The following SHANK2 variants were observed in gnomAD, a reference collection of about 807,000 sequenced individuals.
The protein encoded by SHANK2 is SH3 and multiple ankyrin repeat domains 2, also known as SH3 and multiple ankyrin repeat domains protein 2.
In SHANK2, 43 loss-of-function variants were observed where a neutral mutation model predicts 133.7. That is an observed-to-expected ratio of 0.32 (90% CI 0.25 to 0.41). The LOEUF (loss-of-function observed/expected upper bound fraction) is 0.41. Among genes scored for constraint, SHANK2 ranks in the 10% least tolerant of loss-of-function variants. The probability of loss-of-function intolerance (pLI) is 1.00; values close to 1 mark genes in which losing one functional copy is unlikely to be tolerated. For missense variants in SHANK2, 1,994 were observed against 2,235.8 expected (o/e 0.89, Z 2.18); for synonymous variants, 1,017 against 952.8 (o/e 1.07, Z -1.24).
chr11:70,744,039 GCTGGGCATC>G (rs1351457662), intron 14 of SHANK2, among the ~76,000 whole-genome samples: 2 of 152,196 alleles, frequency 1.3e-5, no homozygotes, highest in Non-Finnish European at 2.9e-5. Flanking sequence ...TCTAACTCCA[GCTGGGCATC>G]CCGGGCCACA....
chr11:71,251,156 G>C (rs7126562), intron 1 of SHANK2, among the ~76,000 whole-genome samples: 1 of 148,276 alleles, frequency 6.7e-6, no homozygotes, highest in East Asian at 2.0e-4. Context: ...CAGGCGCCCC[G>C]AGCCCCTTTA....
chr11:70,487,233 C>T lies in SHANK2; in HGVS notation c.3060G>A (p.Glu1020=), dbSNP rs183950141. 554 of 1,614,172 alleles carry T rather than the reference C, an allele frequency of 3.4e-4. No individual in the cohort carries two copies. The highest frequency in any genetic ancestry group is 4.5e-4 in the Non-Finnish European group (533 of 1,180,046). Residue 1020 remains glutamate (E), a synonymous_variant, in exon 25 of 26, where the codon GAG becomes GAA. Coordinates refer to ENST00000601538, the MANE Select transcript of SHANK2 (RefSeq NM_012309.5). The surrounding 1 kb of genome is among the most constrained non-coding windows in gnomAD (Gnocchi z 5.8). ...TGGAGCACGTCTTCTCGGGGCTGTC[C>T]TCCACGTTGGACTGCTTCACCAGCA... ...KGMLVKQSNV[E]DSPEKTCSIP...
intron 2 of SHANK2, among the ~76,000 whole-genome samples, chr11:71,180,506 C>T (rs1953533572): frequency 6.6e-6 from 1 of 151,966 alleles, no homozygotes; most frequent in Admixed American, 6.6e-5. Flanking sequence ...TCTAACAGCG[C>T]TTTGTACAAG....
chr11:70,665,551 C>CT (rs1555014670), intron 15 of SHANK2, among the ~76,000 whole-genome samples: 5 of 152,190 alleles, frequency 3.3e-5, no homozygotes, highest in African/African-American at 7.2e-5. Flanking sequence ...TAGTCTCTGA[C>CT]ATTAAGAAGG....
intron 2 of SHANK2, among the ~76,000 whole-genome samples, chr11:71,178,101 A>G (rs532055263): frequency 1.0e-3 from 153 of 152,364 alleles, no homozygotes; most frequent in African/African-American, 3.6e-3. Context: ...AAGAGAGCGT[A>G]GGGACTTAAA....
At chr11:70,720,863 G>A (rs145721609) in intron 14 of SHANK2, among the ~76,000 whole-genome samples, 1 of 152,342 alleles carries the variant, frequency 6.6e-6, no homozygotes, top group Non-Finnish European at 1.5e-5. Flanking sequence ...GTACATGTAT[G>A]CACACCCATG....
At chr11:70,768,786 A>AG (rs1947180464) in intron 14 of SHANK2, among the ~76,000 whole-genome samples, 1 of 152,068 alleles carries the variant, frequency 6.6e-6, no homozygotes, top group South Asian at 2.1e-4. Context: ...CAGGGGTGTG[A>AG]GGGTGAGGCC....
intron 8 of SHANK2, among the ~76,000 whole-genome samples, chr11:71,091,221 G>C (rs1355466061): frequency 6.6e-6 from 1 of 151,910 alleles, no homozygotes; most frequent in Non-Finnish European, 1.5e-5. Flanking sequence ...GCTCCAGCTT[G>C]GGTGTGGGCC....
At position 70,538,659 on chromosome 11, in the gene SHANK2, G is replaced by A. The variant is rs149750661; in HGVS notation, c.2062-35728C>T. On this transcript the variant is annotated intron_variant, in intron 17 of 25. Coordinates refer to ENST00000601538, the MANE Select transcript of SHANK2 (RefSeq NM_012309.5). ...AGGAGGTGGCTGTCACTCTTGCTCC[G>A]TCAGTGGTGGAGTCTGTGCTGGTTC... Among the ~76,000 whole-genome samples the A allele has an allele frequency of 3.9e-5, 6 of 152,346 alleles. No homozygotes were observed. In the South Asian group the frequency reaches 6.2e-4, roughly 16 times the overall value.
chr11:70,598,384 A>G (rs1565164339), intron 17 of SHANK2, among the ~76,000 whole-genome samples: 1 of 152,234 alleles, frequency 6.6e-6, no homozygotes, highest in Non-Finnish European at 1.5e-5. Context: ...ACAAGAAAAA[A>G]TAAAAACTCG....
chr11:70,625,659 G>C (rs534529657), intron 17 of SHANK2, among the ~76,000 whole-genome samples: 1 of 152,016 alleles, frequency 6.6e-6, no homozygotes, highest in African/African-American at 2.4e-5. Context: ...AGCAGGCTCT[G>C]AGCAGTGGAG....
At chr11:70,495,822 TG>T (rs1555156965) in intron 21 of SHANK2, 5 of 197,344 alleles carry the variant, frequency 2.5e-5, no homozygotes, top group South Asian at 6.1e-5. Context: ...TGGCGAGCTC[TG>T]GGGGCAGCCG....
intron 17 of SHANK2, among the ~76,000 whole-genome samples, chr11:70,551,951 C>T (rs1381533712): frequency 6.6e-6 from 1 of 152,238 alleles, no homozygotes; most frequent in African/African-American, 2.4e-5. Flanking sequence ...GCCAGCTTCC[C>T]AGCCCGAGGC....
At chr11:70,726,809 G>C (rs1555030828) in intron 14 of SHANK2, among the ~76,000 whole-genome samples, 1 of 152,220 alleles carries the variant, frequency 6.6e-6, no homozygotes, top group African/African-American at 2.4e-5. Context: ...CAATTGACCA[G>C]TTCTGAGTCT....
At chr11:70,833,790 G>A (rs1047638449) in intron 11 of SHANK2, among the ~76,000 whole-genome samples, 1 of 152,228 alleles carries the variant, frequency 6.6e-6, no homozygotes, top group South Asian at 2.1e-4. Context: ...GCTTGTTGAC[G>A]AGGGAGGTCC....
In SHANK2 at chr11:71,070,725, T is replaced by A. The variant is rs1002770038; in HGVS notation, c.1029+4434A>T. 1.8e-4 allele frequency among the ~76,000 whole-genome samples: 28 copies of A among 152,396 alleles called. No homozygotes were observed. In the East Asian group the frequency reaches 4.6e-3, roughly 25 times the overall value. On this transcript the variant is annotated intron_variant, in intron 9 of 25. Transcript: ENST00000601538. ...GAACACGGCTACACTCTGACTTACA[T>A]ACTGTCTATGGCTGCTTTTGCACTA... is the stretch of plus-strand genomic sequence containing the variant.
At chr11:70,537,025 G>C (rs1195109606) in intron 17 of SHANK2, among the ~76,000 whole-genome samples, 2 of 152,172 alleles carry the variant, frequency 1.3e-5, no homozygotes, top group Admixed American at 6.5e-5. Flanking sequence ...AGCTAGAAGA[G>C]GGTTCCCCAG....
intron 17 of SHANK2, among the ~76,000 whole-genome samples, chr11:70,643,199 T>C (rs1211465589): frequency 2.6e-5 from 4 of 152,340 alleles, no homozygotes; most frequent in South Asian, 2.1e-4. Flanking sequence ...TCCAGAACTT[T>C]TGCATAACAT....
At chr11:70,868,670 G>A (rs1949411168) in intron 11 of SHANK2, among the ~76,000 whole-genome samples, 1 of 152,220 alleles carries the variant, frequency 6.6e-6, no homozygotes, top group African/African-American at 2.4e-5. Context: ...CACGGGGGCA[G>A]CCCAGGGCCC....
Sources: allele counts gnomAD v4.1 joint callset (sites outside exome capture counted in the v4.1 genomes callset), GRCh38; gene constraint gnomAD v4.1.1; non-coding constraint Gnocchi (gnomAD v3.1); transcripts MANE v1.5; gene names NCBI Gene and HGNC (gene_info 2026-07-23, HGNC 2026-07-21).